CEACAM8: variants seen among roughly 807,000 people sequenced by gnomAD.
The protein encoded by CEACAM8 is CEA cell adhesion molecule 8.
A neutral mutation model predicts 33.4 loss-of-function variants in CEACAM8; 31 were observed. The ratio of observed to expected loss-of-function variants is 0.93; its 90% CI spans 0.70 to 1.25. The LOEUF (loss-of-function observed/expected upper bound fraction) is 1.25. CEACAM8 is among the 50% of genes most tolerant of loss of function. CEACAM8 has a pLI of 0.00. For missense variants in CEACAM8, 388 were observed against 434.6 expected (o/e 0.89, Z 0.95); for synonymous variants, 138 against 164.5 (o/e 0.84, Z 1.23).
In CEACAM8 at chr19:42,593,763, A is replaced by G. The variant is rs747658557; in HGVS notation, c.202T>C (p.Tyr68His). ...TTGGCATCCACTGTTTCCCCTTTGT[A>G]CCAGTTGTAGCCACGAGGGTCCTGG... is the stretch of plus-strand genomic sequence containing the variant. ...LPQDPRGYNW[Y>H]KGETVDANRR... The change falls in exon 2 of 6, where the codon TAC becomes CAC. Residue 68 changes from tyrosine to histidine, a missense_variant. Tyr to His is a moderately conservative substitution (Grantham distance 83). Transcript: ENST00000244336. 1 of 1,613,936 alleles carries G rather than the reference A, an allele frequency of 6.2e-7. No homozygotes were observed. The highest frequency in any genetic ancestry group is 1.1e-5 in the South Asian group (1 of 91,058).
intron 2 of CEACAM8, among the ~76,000 whole-genome samples, chr19:42,591,628 G>A (rs10402245): frequency 0.057 from 8,666 of 152,182 alleles, 820 homozygotes; most frequent in African/African-American, 0.2. Context: ...AGGTTTTTGC[G>A]AATTGGACAG....
chr19:42,583,697 T>C (rs1169256678), intron 4 of CEACAM8, among the ~76,000 whole-genome samples: 1 of 152,238 alleles, frequency 6.6e-6, no homozygotes, highest in Non-Finnish European at 1.5e-5. Context: ...GGCAGGTCTC[T>C]ATGGCAGGGA....
At chr19:42,583,745 T>A (rs45589137) in intron 4 of CEACAM8, among the ~76,000 whole-genome samples, 1 of 152,318 alleles carries the variant, frequency 6.6e-6, no homozygotes, top group African/African-American at 2.4e-5. Context: ...GCATTCCAAA[T>A]TGACCACCTC....
chr19:42,593,276 G>A (rs1020909030), intron 2 of CEACAM8, among the ~76,000 whole-genome samples: 3 of 152,186 alleles, frequency 2.0e-5, no homozygotes, highest in Non-Finnish European at 4.4e-5. Flanking sequence ...GGCACGGGGT[G>A]CCTGGCTGAG....
chr19:42,593,701 C>T lies in CEACAM8; in HGVS notation c.264G>A (p.Gln88=). The T allele has an allele frequency of 1.2e-6, 2 of 1,614,066 alleles. No homozygotes were observed. The highest frequency in any genetic ancestry group is 1.7e-6 in the Non-Finnish European group (2 of 1,179,980). ...RIIGYVISNQ[Q]ITPGPAYSNR... Reference sequence around the variant, plus strand: ...TGCTGTATGCAGGCCCTGGGGTAATCTGTTGATTTGATATTACATATCCTA... The same window carrying T: ...TGCTGTATGCAGGCCCTGGGGTAATTTGTTGATTTGATATTACATATCCTA... The change falls in exon 2 of 6, where the codon CAG becomes CAA. Residue 88 remains glutamine, a synonymous_variant. Coordinates refer to ENST00000244336, the MANE Select transcript of CEACAM8 (RefSeq NM_001816.4).
intron 4 of CEACAM8, among the ~76,000 whole-genome samples, chr19:42,586,909 A>G (rs1444047062): frequency 6.6e-6 from 1 of 152,176 alleles, no homozygotes; most frequent in Non-Finnish European, 1.5e-5. Context: ...AAACCCAACT[A>G]AAAAAGGACA....
rs558047221 is a variant in CEACAM8 at position 42,592,592 on chromosome 19, C to A, written c.424+949G>T. Among the ~76,000 whole-genome samples the A allele has an allele frequency of 5.1e-5, 6 of 118,230 alleles. No individual in the cohort carries two copies. In the East Asian group the frequency reaches 1.4e-3, roughly 27 times the overall value. The allele number at this position is 118,230 out of a possible 152,430, so 77.6% of individuals were successfully genotyped here. A position where few individuals can be genotyped will look rare whatever the true frequency, so the allele number is the denominator to read the frequency against. On this transcript the variant is annotated intron_variant, in intron 2 of 5. Coordinates refer to ENST00000244336, the MANE Select transcript of CEACAM8 (RefSeq NM_001816.4). ...CACTCCAGCCTGGCCACAGAGACTC[C>A]GTCTCAAAAAAAAAAAAAAAAAAAA... is the stretch of plus-strand genomic sequence containing the variant.
chr19:42,583,298 C>G lies in CEACAM8; in HGVS notation c.998G>C (p.Arg333Thr). The G allele has an allele frequency of 7.4e-6, 12 of 1,613,716 alleles. No homozygotes were observed. The highest frequency in any genetic ancestry group is 9.3e-6 in the Non-Finnish European group (11 of 1,179,670). Residue 333 changes from arginine to threonine, a missense_variant, in exon 5 of 6, where the codon AGA becomes ACA. By Grantham distance (71) the Arg-to-Thr change is moderately conservative. Coordinates refer to ENST00000244336, the MANE Select transcript of CEACAM8 (RefSeq NM_001816.4). ...TCCAATCATGATGCTGACAGTGGCT[C>G]TAGCTGAGAGGCCAGGAGAACTTCC... ...VQGSSPGLSA[R>T]ATVSIMIGVL... is the part of the protein sequence containing the mutation.
At position 42,593,908 on chromosome 19, in the gene CEACAM8, G is replaced by T. The variant is rs773490700; in HGVS notation, c.65-8C>A. On this transcript the variant is annotated splice_region_variant and splice_polypyrimidine_tract_variant and intron_variant, in intron 1 of 5. Transcript: ENST00000244336. Reference sequence around the variant, plus strand: ...AGAAGGTGAAAAGTGAGGCTAGGAGGGGGAGAGAGCATCAAGCAATATTGC... The same window carrying T: ...AGAAGGTGAAAAGTGAGGCTAGGAGTGGGAGAGAGCATCAAGCAATATTGC... 4 of 1,567,562 alleles carry T rather than the reference G, an allele frequency of 2.6e-6. No individual in the cohort carries two copies. Among genetic ancestry groups the T allele is most frequent in the Non-Finnish European group, 3.5e-6 (4 of 1,155,978 alleles).
In CEACAM8 at chr19:42,592,932, C is replaced by T. The variant is rs1198496731; in HGVS notation, c.424+609G>A. 2.6e-5 allele frequency among the ~76,000 whole-genome samples: 4 copies of T among 152,346 alleles called. No homozygotes were observed. The South Asian group carries it at 8.3e-4, about 32-fold the overall frequency. ...CCTAAGAAGCTTGTCCATCTGTCCT[C>T]TCCACTCTGAGTCTCAGGTGAAGGA... On this transcript the variant is annotated intron_variant, in intron 2 of 5. Coordinates refer to ENST00000244336, the MANE Select transcript of CEACAM8 (RefSeq NM_001816.4).
chr19:42,589,617 A>G lies in CEACAM8; in HGVS notation c.543T>C (p.Asn181=), dbSNP rs755881976. The G allele has an allele frequency of 4.3e-6, 7 of 1,614,040 alleles. No individual in the cohort carries two copies. Among genetic ancestry groups the G allele is most frequent in the South Asian group, 1.1e-5 (1 of 91,090 alleles). The change falls in exon 3 of 6, where the codon AAT becomes AAC. Residue 181 remains asparagine, a synonymous_variant. Coordinates refer to ENST00000244336, the MANE Select transcript of CEACAM8 (RefSeq NM_001816.4). Reference sequence around the variant, plus strand: ...TGGGACTGACCGGGAGACTCTGACCATTTACCCACCACAGGTAGGTTGTGT... The same window carrying G: ...TGGGACTGACCGGGAGACTCTGACCGTTTACCCACCACAGGTAGGTTGTGT... ...TQNTTYLWWV[N]GQSLPVSPRL...
In CEACAM8 at chr19:42,594,906, G is replaced by T; in HGVS notation, c.-78C>A. The T allele has an allele frequency of 6.8e-7, 1 of 1,481,044 alleles. No homozygotes were observed. The highest frequency in any genetic ancestry group is 9.2e-7 in the Non-Finnish European group (1 of 1,090,428). 91.7% of individuals were successfully genotyped at this position (1,481,044 alleles called of 1,614,324 possible). Reference sequence around the variant, plus strand: ...AACTTTCTGAGCACGGCTGTCAGCTGTGCTGTCCTTCCTCCTTTTGTGCTG... The same window carrying T: ...AACTTTCTGAGCACGGCTGTCAGCTTTGCTGTCCTTCCTCCTTTTGTGCTG... On this transcript the variant is annotated 5_prime_UTR_variant, in exon 1 of 6. Transcript: ENST00000244336.
At chr19:42,587,008 A>G (rs1273205669) in intron 4 of CEACAM8, among the ~76,000 whole-genome samples, 7 of 152,184 alleles carry the variant, frequency 4.6e-5, no homozygotes, top group Non-Finnish European at 7.3e-5. Context: ...ATACTTAGAG[A>G]TATGCAAATC....
Position 42,593,680 on chromosome 19 carries a change from G to C in CEACAM8, c.285C>G (p.Tyr95Ter), listed in dbSNP as rs754196086. ...SNQQITPGPAYSNRETIYPNA... is the reference protein window; with the variant it reads ...SNQQITPGPA ...TGGGGTATATTGTCTCTCGATTGCT[G>C]TATGCAGGCCCTGGGGTAATCTGTT... The change falls in exon 2 of 6, where the codon TAC becomes TAG. Residue 95 changes from tyrosine (Y) to a stop codon, truncating the protein, a stop_gained. Coordinates refer to ENST00000244336, the MANE Select transcript of CEACAM8 (RefSeq NM_001816.4). LOFTEE classifies it high-confidence loss of function. The C allele has an allele frequency of 6.2e-7, 1 of 1,614,078 alleles. No individual in the cohort carries two copies. The highest frequency in any genetic ancestry group is 8.5e-7 in the Non-Finnish European group (1 of 1,179,988).
intron 4 of CEACAM8, among the ~76,000 whole-genome samples, chr19:42,588,018 C>T (rs2042365817): frequency 1.3e-5 from 2 of 152,182 alleles, no homozygotes; most frequent in African/African-American, 4.8e-5. Context: ...GACCCTGTGG[C>T]TGAATCTCCC....
At chr19:42,590,488 G>A (rs2042417565) in intron 2 of CEACAM8, among the ~76,000 whole-genome samples, 1 of 152,184 alleles carries the variant, frequency 6.6e-6, no homozygotes, top group African/African-American at 2.4e-5. Context: ...ATGAGGAGCT[G>A]TGGATCCTCC....
At chr19:42,585,978 A>T (rs1273781271) in intron 4 of CEACAM8, among the ~76,000 whole-genome samples, 1 of 152,200 alleles carries the variant, frequency 6.6e-6, no homozygotes, top group Non-Finnish European at 1.5e-5. Flanking sequence ...TAAGAAAAAA[A>T]TTTTAATTCA....
Position 42,588,940 on chromosome 19 carries a change from GTGAGGGTGGATTAGAGGCC to G in CEACAM8, c.783_801del (p.Ala262SerfsTer48). The G allele has an allele frequency of 6.2e-7, 1 of 1,614,228 alleles. No individual in the cohort carries two copies. Among genetic ancestry groups the G allele is most frequent in the Non-Finnish European group, 8.5e-7 (1 of 1,180,038 alleles). ...GTGCCATTGACAGACCAAGAATACT[GTGAGGGTGGATTAGAGGCC>G]GCATGGCAGGAGAGGTTGAGATTTA... On this transcript the variant is annotated frameshift_variant, in exon 4 of 6. Transcript: ENST00000244336. LOFTEE classifies it high-confidence loss of function.
chr19:42,593,452 G>T, intron 2 of CEACAM8, 89 bp downstream of exon 2: 1 of 1,480,822 alleles, frequency 6.8e-7, no homozygotes, highest in Non-Finnish European at 9.1e-7. Flanking sequence ...AATGCAGAGA[G>T]GGACATGGGC....
Sources: allele counts gnomAD v4.1 joint callset (sites outside exome capture counted in the v4.1 genomes callset), GRCh38; gene constraint gnomAD v4.1.1; transcripts MANE v1.5; gene names NCBI Gene and HGNC (gene_info 2026-07-23, HGNC 2026-07-21).